The following TUSC3 variants were observed in gnomAD, a reference collection of about 807,000 sequenced individuals.
The protein encoded by TUSC3 is tumor suppressor candidate 3, also known as dolichyl-diphosphooligosaccharide--protein glycosyltransferase subunit TUSC3.
In TUSC3, 45 loss-of-function variants were observed where a neutral mutation model predicts 44.8. The ratio of observed to expected loss-of-function variants is 1.00; its 90% CI spans 0.79 to 1.29. TUSC3 has a LOEUF of 1.29. Ranked by LOEUF, TUSC3 falls within the 50% of genes most tolerant of loss-of-function variation. The pLI is 0.00. For missense variants in TUSC3, 519 were observed against 437.9 expected (o/e 1.19, Z -1.65); for synonymous variants, 212 against 152.9 (o/e 1.39, Z -2.85).
intron 9 of TUSC3, among the ~76,000 whole-genome samples, chr8:15,750,504 T>G (rs945838105): frequency 6.6e-5 from 10 of 152,140 alleles, no homozygotes; most frequent in African/African-American, 2.2e-4. Flanking sequence ...TAGGAAGAGT[T>G]TAAGTTTGTA....
chr8:15,428,412 T>C (rs1799832290), intron 1 of TUSC3, among the ~76,000 whole-genome samples: 1 of 151,920 alleles, frequency 6.6e-6, no homozygotes, highest in Non-Finnish European at 1.5e-5. Context: ...CTATTGTGAA[T>C]AGTGCCGCAA....
intron 1 of TUSC3, among the ~76,000 whole-genome samples, chr8:15,481,203 C>A (rs1354877739): frequency 6.9e-6 from 1 of 144,592 alleles, no homozygotes; most frequent in Non-Finnish European, 1.5e-5. Context: ...GCCGAGATGG[C>A]ACCATTGCAC....
At chr8:15,683,016 C>G (rs1344246459) in intron 6 of TUSC3, among the ~76,000 whole-genome samples, 1 of 152,090 alleles carries the variant, frequency 6.6e-6, no homozygotes, top group Non-Finnish European at 1.5e-5. Flanking sequence ...ATAGGAAGTA[C>G]TATGTTAGCC....
chr8:15,491,184 T>C (rs1295925123), intron 2 of TUSC3, among the ~76,000 whole-genome samples: 4 of 151,764 alleles, frequency 2.6e-5, no homozygotes, highest in African/African-American at 9.7e-5. Context: ...TTTGTCTCAG[T>C]AGAGTGAAGG....
the TUSC3 span, among the ~76,000 whole-genome samples, chr8:15,803,993 A>G: frequency 6.6e-6 from 1 of 152,278 alleles, no homozygotes; most frequent in East Asian, 1.9e-4. Flanking sequence ...TATTGTAATT[A>G]ATGCTGCAAT....
chr8:15,770,303 C>G (rs1331263227), downstream of TUSC3, among the ~76,000 whole-genome samples: 1 of 152,092 alleles, frequency 6.6e-6, no homozygotes, highest in Admixed American at 6.6e-5. Context: ...CAAACTAACA[C>G]AGGAACAGAA....
intron 6 of TUSC3, among the ~76,000 whole-genome samples, chr8:15,692,371 C>CTT (rs1563175847): frequency 6.9e-4 from 13 of 18,780 alleles, no homozygotes; most frequent in East Asian, 2.9e-3. Flanking sequence ...CCCCCCCCCC[C>CTT]TTTGTTTTTT....
At chr8:15,695,242 C>T (rs144943719) in intron 6 of TUSC3, among the ~76,000 whole-genome samples, 1 of 152,256 alleles carries the variant, frequency 6.6e-6, no homozygotes, top group Non-Finnish European at 1.5e-5. Flanking sequence ...GGGAGGGACC[C>T]AGTGGGAGGT....
the TUSC3 span, among the ~76,000 whole-genome samples, chr8:15,807,633 A>G: frequency 2.0e-5 from 3 of 152,180 alleles, no homozygotes; most frequent in African/African-American, 7.2e-5. Context: ...TCCGTGGTGG[A>G]TTGGATAAAG....
chr8:15,763,558 G>A (rs543131787), intron 10 of TUSC3, among the ~76,000 whole-genome samples: 2 of 152,014 alleles, frequency 1.3e-5, no homozygotes, highest in Admixed American at 6.6e-5. Context: ...AGGTACAGAT[G>A]TAAACAAAAG....
the TUSC3 span, among the ~76,000 whole-genome samples, chr8:15,828,168 T>A: frequency 2.0e-3 from 301 of 152,222 alleles, 1 homozygote; most frequent in African/African-American, 6.6e-3. Context: ...CTAATTTTTG[T>A]ATTTTTAGTA....
intron 1 of TUSC3, among the ~76,000 whole-genome samples, chr8:15,435,774 T>C (rs1446920668): frequency 6.6e-6 from 1 of 152,242 alleles, no homozygotes; most frequent in East Asian, 1.9e-4. Context: ...TCTTGGAATC[T>C]GGATAGGCAT....
intron 6 of TUSC3, among the ~76,000 whole-genome samples, chr8:15,704,979 C>T (rs921683471): frequency 2.0e-5 from 3 of 151,472 alleles, no homozygotes; most frequent in Admixed American, 6.6e-5. Flanking sequence ...TTATTTGGAA[C>T]ACTTGTTATA....
At chr8:15,798,322 A>G in the TUSC3 span, among the ~76,000 whole-genome samples, 2 of 152,314 alleles carry the variant, frequency 1.3e-5, no homozygotes, top group Admixed American at 6.5e-5. Flanking sequence ...ACGGGTCTGC[A>G]TAGGCTAGTT....
chr8:15,667,425 C>T (rs1348749067), intron 5 of TUSC3, among the ~76,000 whole-genome samples: 1 of 151,624 alleles, frequency 6.6e-6, no homozygotes, highest in Non-Finnish European at 1.5e-5. Flanking sequence ...TATAAATTCA[C>T]TGATATGCAT....
At chr8:15,687,063 A>G (rs763952629) in intron 6 of TUSC3, among the ~76,000 whole-genome samples, 3 of 152,088 alleles carry the variant, frequency 2.0e-5, no homozygotes, top group Non-Finnish European at 2.9e-5. Flanking sequence ...ACAGAGCAAG[A>G]CTCCGTCTCA....
intron 1 of TUSC3, among the ~76,000 whole-genome samples, chr8:15,610,110 A>G (rs1804697807): frequency 6.6e-6 from 1 of 152,190 alleles, no homozygotes; most frequent in Non-Finnish European, 1.5e-5. Context: ...TAAGAAAGGT[A>G]TGATGAATAA....
At chr8:15,485,501 C>T (rs1482554295) in intron 2 of TUSC3, among the ~76,000 whole-genome samples, 1 of 134,624 alleles carries the variant, frequency 7.4e-6, no homozygotes, top group Non-Finnish European at 1.5e-5. Flanking sequence ...GAGTTCTTGT[C>T]ACCCAGGCTG....
intron 1 of TUSC3, among the ~76,000 whole-genome samples, chr8:15,596,299 A>T (rs1202028010): frequency 6.6e-6 from 1 of 152,144 alleles, no homozygotes; most frequent in Non-Finnish European, 1.5e-5. Context: ...TTTAGTAAAA[A>T]ATTATTTGGA....
Sources: gnomAD v4.1 joint callset for allele counts (sites outside exome capture counted in the v4.1 genomes callset) on GRCh38, gnomAD v4.1.1 for gene constraint, MANE v1.5 for transcripts, NCBI Gene and HGNC (gene_info 2026-07-23, HGNC 2026-07-21) for gene names.